SDCCAG8: variants seen among roughly 807,000 people sequenced by gnomAD.
SDCCAG8 encodes the protein serologically defined colon cancer antigen 8.
In SDCCAG8, 74 loss-of-function variants were observed where a neutral mutation model predicts 101.8. That is an observed-to-expected ratio of 0.73 (90% CI 0.60 to 0.88). The LOEUF (loss-of-function observed/expected upper bound fraction) is 0.88. Ranked by LOEUF, SDCCAG8 falls within the 40% of genes least tolerant of loss-of-function variation. The pLI is 0.00. For missense variants in SDCCAG8, 787 were observed against 822.6 expected (o/e 0.96, Z 0.53); for synonymous variants, 281 against 292.9 (o/e 0.96, Z 0.41).
At chr1:243,422,121 A>G (rs941173687) in intron 15 of SDCCAG8, among the ~76,000 whole-genome samples, 1 of 152,182 alleles carries the variant, frequency 6.6e-6, no homozygotes, top group Non-Finnish European at 1.5e-5. Flanking sequence ...GCATAGAACC[A>G]GGGTCTATGT....
intron 9 of SDCCAG8, among the ~76,000 whole-genome samples, chr1:243,326,009 G>A (rs907523702): frequency 1.3e-5 from 2 of 152,132 alleles, no homozygotes; most frequent in Admixed American, 1.3e-4. Context: ...CTGCCTGCTT[G>A]TGTTGGAAGG....
intron 16 of SDCCAG8, among the ~76,000 whole-genome samples, chr1:243,451,134 A>G (rs1395095405): frequency 6.6e-6 from 1 of 152,240 alleles, no homozygotes; most frequent in East Asian, 1.9e-4. Context: ...TGTACTGCAA[A>G]TGTCACATCT....
At position 243,417,068 on chromosome 1, in the gene SDCCAG8, A is replaced by G. The variant is rs563584361; in HGVS notation, c.1745-900A>G. ...CAACAGGCAAGTCATTAAATAATCT[A>G]TTTACTTATGAAGAGGCAAATGTCA... On this transcript the variant is annotated intron_variant, in intron 14 of 17. Transcript: ENST00000366541. 3.7e-4 allele frequency among the ~76,000 whole-genome samples: 56 copies of G among 152,294 alleles called. 1 individual carries two copies. Among genetic ancestry groups the G allele is most frequent in the African/African-American group, 1.3e-3 (53 of 41,564 alleles).
chr1:243,384,612 A>ACACT (rs1655984261), intron 13 of SDCCAG8, among the ~76,000 whole-genome samples: 1 of 151,716 alleles, frequency 6.6e-6, no homozygotes, highest in Admixed American at 6.6e-5. Flanking sequence ...ACACACACAC[A>ACACT]CACTCACTCT....
At chr1:243,280,088 G>A (rs1376251861) in intron 4 of SDCCAG8, among the ~76,000 whole-genome samples, 1 of 152,080 alleles carries the variant, frequency 6.6e-6, no homozygotes, top group Non-Finnish European at 1.5e-5. Flanking sequence ...ATAAATATAG[G>A]TTTATTCAGA....
intron 14 of SDCCAG8, 99 bp downstream of exon 14, chr1:243,415,928 G>C: frequency 7.0e-7 from 1 of 1,427,926 alleles, no homozygotes; most frequent in Admixed American, 2.1e-5. Flanking sequence ...ACCTTTGGCT[G>C]GCCGAAGGGA....
chr1:243,322,541 C>T (rs2073838901), intron 9 of SDCCAG8, among the ~76,000 whole-genome samples: 1 of 152,216 alleles, frequency 6.6e-6, no homozygotes, highest in Non-Finnish European at 1.5e-5. Flanking sequence ...TCAGTCTGCA[C>T]TAGTCCCTTG....
At position 243,256,141 on chromosome 1, in the gene SDCCAG8, C is replaced by CA. The variant is rs776688302; in HGVS notation, c.-33_-32insA. ...AGGGAGAAAGCTGGACATTTCCCCACGTAACTCCCAGCTCTGGGCCTAGAG... is the reference window on the plus strand; with the variant it reads ...AGGGAGAAAGCTGGACATTTCCCCACAGTAACTCCCAGCTCTGGGCCTAGAG... On this transcript the variant is annotated 5_prime_UTR_variant, in exon 1 of 18. Coordinates refer to ENST00000366541, the MANE Select transcript of SDCCAG8 (RefSeq NM_006642.5). 40 of 1,599,710 alleles carry CA rather than the reference C, an allele frequency of 2.5e-5. No homozygotes were observed. The South Asian group carries it at 4.4e-4, about 18-fold the overall frequency.
At chr1:243,322,211 C>G (rs2073814802) in intron 9 of SDCCAG8, among the ~76,000 whole-genome samples, 1 of 152,172 alleles carries the variant, frequency 6.6e-6, no homozygotes, top group African/African-American at 2.4e-5. Flanking sequence ...TGCAAGTTGA[C>G]TGGCAAGGAG....
intron 8 of SDCCAG8, among the ~76,000 whole-genome samples, chr1:243,311,053 G>A (rs1473625139): frequency 7.3e-6 from 1 of 136,978 alleles, no homozygotes; most frequent in Non-Finnish European, 1.6e-5. Context: ...TTCAAATTGT[G>A]CACTTCACTT....
intron 1 of SDCCAG8, among the ~76,000 whole-genome samples, chr1:243,257,309 T>C (rs1318876963): frequency 6.6e-6 from 1 of 152,170 alleles, no homozygotes; most frequent in Non-Finnish European, 1.5e-5. Flanking sequence ...GTTTGCGACA[T>C]TGAGAATACT....
At chr1:243,298,849 T>A (rs1018506276) in intron 6 of SDCCAG8, among the ~76,000 whole-genome samples, 4 of 152,234 alleles carry the variant, frequency 2.6e-5, no homozygotes, top group Non-Finnish European at 4.4e-5. Context: ...CTGTCTTGAT[T>A]GTTATAGCCT....
chr1:243,429,053 G>A (rs1005886884), intron 16 of SDCCAG8, among the ~76,000 whole-genome samples: 2 of 152,192 alleles, frequency 1.3e-5, no homozygotes, highest in Non-Finnish European at 2.9e-5. Flanking sequence ...AGTGCCACTA[G>A]TGATGTTGGA....
At chr1:243,306,100 A>G (rs1344906295) in intron 7 of SDCCAG8, 1 of 153,632 alleles carries the variant, frequency 6.5e-6, no homozygotes, top group African/African-American at 2.4e-5. Flanking sequence ...AAAAAAAAAA[A>G]AAAAAAACCG....
Position 243,264,099 on chromosome 1 carries a change from G to T in SDCCAG8, c.68-6006G>T, listed in dbSNP as rs936176742. On this transcript the variant is annotated intron_variant, in intron 1 of 17. Transcript: ENST00000366541. ...TCTCTCAGAGACAGCTGGGCGCTTC[G>T]CAGGGAGTGGTCCCCCTCCCTGTCA... Among the ~76,000 whole-genome samples the T allele has an allele frequency of 9.2e-5, 14 of 152,136 alleles. 1 individual carries two copies. The highest frequency in any genetic ancestry group is 2.1e-4 in the South Asian group (1 of 4,828).
At chr1:243,407,757 A>G (rs964372188) in intron 13 of SDCCAG8, among the ~76,000 whole-genome samples, 1 of 152,142 alleles carries the variant, frequency 6.6e-6, no homozygotes, top group Non-Finnish European at 1.5e-5. Context: ...CTCTGATCTG[A>G]TAACTCATCT....
At chr1:243,318,122 A>G in intron 9 of SDCCAG8, 1 of 455,724 alleles carries the variant, frequency 2.2e-6, no homozygotes, top group South Asian at 1.6e-5. Context: ...CATCACTGAC[A>G]GATTGTATAA....
intron 15 of SDCCAG8, among the ~76,000 whole-genome samples, chr1:243,420,042 A>G (rs1195839264): frequency 2.6e-5 from 4 of 152,240 alleles, no homozygotes; most frequent in African/African-American, 9.6e-5. Flanking sequence ...TGATGAATGA[A>G]TGAAACAAAT....
intron 11 of SDCCAG8, among the ~76,000 whole-genome samples, chr1:243,343,552 A>T (rs2075511156): frequency 6.6e-6 from 1 of 152,228 alleles, no homozygotes; most frequent in South Asian, 2.1e-4. Context: ...TATTTCATTT[A>T]AATGCATATT....
Sources: gnomAD v4.1 joint callset for allele counts (sites outside exome capture counted in the v4.1 genomes callset) on GRCh38, gnomAD v4.1.1 for gene constraint, MANE v1.5 for transcripts, NCBI Gene and HGNC (gene_info 2026-07-23, HGNC 2026-07-21) for gene names.